Variants in ST14 observed in about 807,000 individuals in gnomAD.
ST14 encodes ST14 transmembrane serine protease matriptase.
ST14 carries 40 observed loss-of-function variants against 96.5 expected under a neutral mutation model. The ratio of observed to expected loss-of-function variants is 0.41; its 90% CI spans 0.32 to 0.54. The LOEUF (loss-of-function observed/expected upper bound fraction) is 0.54, where lower values mean the gene tolerates loss of function less well. Ranked by LOEUF, ST14 falls within the 20% of genes least tolerant of loss-of-function variation. The pLI is 0.17. For missense variants in ST14, 1,066 were observed against 1,188.9 expected, an observed-to-expected ratio of 0.90 and a Z score of 1.52; for synonymous variants, 506 against 492.1, an observed-to-expected ratio of 1.03 and a Z score of -0.37.
At chr11:130,189,082 C>A in intron 4 of ST14, 143 bp downstream of exon 4, 1 of 883,258 alleles carries the variant, frequency 1.1e-6, no homozygotes, top group Non-Finnish European at 1.8e-6. Context: ...CTGTGTCCTC[C>A]TGTGCGTTAC....
chr11:130,189,696 A>T (rs1565623673), intron 4 of ST14, 43 bp from the exon 5 acceptor site: 1 of 1,602,732 alleles, frequency 6.2e-7, no homozygotes, highest in African/African-American at 1.3e-5. Context: ...CGTGGGGGAA[A>T]TGGGGCCCAG....
chr11:130,161,142 C>T (rs1952995831), intron 1 of ST14, among the ~76,000 whole-genome samples: 1 of 152,160 alleles, frequency 6.6e-6, no homozygotes, highest in Non-Finnish European at 1.5e-5. Context: ...GAAAATCAGA[C>T]GCTGGGGCTT....
At chr11:130,179,714 A>T (rs1286789926) in intron 1 of ST14, among the ~76,000 whole-genome samples, 1 of 152,154 alleles carries the variant, frequency 6.6e-6, no homozygotes, top group Non-Finnish European at 1.5e-5. Flanking sequence ...TTCCTGCAAC[A>T]TGCCTCTGGT....
chr11:130,205,995 C>G (rs1953482875), intron 16 of ST14, among the ~76,000 whole-genome samples: 1 of 152,152 alleles, frequency 6.6e-6, no homozygotes. Context: ...CCATGCCCAG[C>G]CTTCTTCGGA....
Position 130,188,074 on chromosome 11 carries a change from G to C in ST14, c.82-40G>C. ...CCCCAGCGGGGTGCAGGGGAAGAGC[G>C]GGTGAGAGGGTCTGAGTGGTGGCGC... On this transcript the variant is annotated intron_variant, in intron 1 of 18. Coordinates refer to ENST00000278742, the MANE Select transcript of ST14 (RefSeq NM_021978.4). This position sits in a 1 kb window ranked among gnomAD's most constrained non-coding sequence, Gnocchi z 5.4. The C allele has an allele frequency of 6.2e-7, 1 of 1,612,148 alleles. No individual in the cohort carries two copies.
intron 1 of ST14, among the ~76,000 whole-genome samples, chr11:130,174,203 G>A (rs1953116872): frequency 6.6e-6 from 1 of 152,134 alleles, no homozygotes; most frequent in South Asian, 2.1e-4. Flanking sequence ...TCTCCCAAGG[G>A]ATTGTCCCAT....
intron 1 of ST14, among the ~76,000 whole-genome samples, chr11:130,182,376 C>A (rs1226821872): frequency 6.6e-6 from 1 of 151,430 alleles, no homozygotes; most frequent in Admixed American, 6.6e-5. Flanking sequence ...GGCAGGAGGG[C>A]AGTGGCATGA....
In ST14 at chr11:130,210,136, CT is replaced by C; in HGVS notation, c.*314del. 2.9e-6 allele frequency: 1 copy of C among 344,254 alleles called. No individual in the cohort carries two copies. The highest frequency in any genetic ancestry group is 4.3e-5 in the Admixed American group (1 of 23,130). 21.3% of individuals were successfully genotyped at this position (344,254 alleles called of 1,614,324 possible). A position where few individuals can be genotyped will look rare whatever the true frequency, so the allele number is the denominator to read the frequency against. On this transcript the variant is annotated 3_prime_UTR_variant, in exon 19 of 19. Coordinates refer to ENST00000278742, the MANE Select transcript of ST14 (RefSeq NM_021978.4). ...GCGCGTTTGTGCATATCTGCCTCCC[CT>C]GTCTCTAAGGAGCAGCGGGAACGGA...
chr11:130,197,675 C>A lies in ST14; in HGVS notation c.1355-166C>A, dbSNP rs542410013. Reference sequence around the variant, plus strand: ...CCACACTAGCTGCGGGTGCAGGAACCCCTTTGTCACAGCTTGGTGGGCCTG... The same window carrying A: ...CCACACTAGCTGCGGGTGCAGGAACACCTTTGTCACAGCTTGGTGGGCCTG... On this transcript the variant is annotated intron_variant, in intron 11 of 18. Coordinates refer to ENST00000278742, the MANE Select transcript of ST14 (RefSeq NM_021978.4). Among the ~76,000 whole-genome samples, 310 of 152,346 alleles carry A rather than the reference C, an allele frequency of 2.0e-3. 1 individual carries two copies. Among genetic ancestry groups the A allele is most frequent in the Middle Eastern group, 3.4e-3 (1 of 294 alleles).
At position 130,188,645 on chromosome 11, in the gene ST14, G is replaced by C. The variant is rs778783010; in HGVS notation, c.357G>C (p.Lys119Asn). The stretch of plus-strand genomic sequence containing the variant: ...CTGAGTTTGTAAGCCTGGCCAGCAA[G>C]GTGAAGGACGCGGTGAGTGCAGCCT... ...NSTEFVSLAS[K>N]VKDALKLLYS... The change falls in exon 3 of 19, where the codon AAG (lysine) becomes AAC (asparagine). Residue 119 changes from lysine (K) to asparagine (N), a missense_variant. Physicochemically the swap from Lys to Asn is moderately conservative, Grantham distance 94. Coordinates refer to ENST00000278742, the MANE Select transcript of ST14 (RefSeq NM_021978.4). The surrounding 1 kb of genome is among the most constrained non-coding windows in gnomAD (Gnocchi z 5.4). 19 of 1,614,098 alleles carry C rather than the reference G, an allele frequency of 1.2e-5. 1 individual carries two copies. Among genetic ancestry groups the C allele is most frequent in the Middle Eastern group, 1.6e-4 (1 of 6,084 alleles).
At chr11:130,200,348 G>T (rs1953415154) in intron 16 of ST14, among the ~76,000 whole-genome samples, 1 of 152,180 alleles carries the variant, frequency 6.6e-6, no homozygotes, top group Non-Finnish European at 1.5e-5. Flanking sequence ...TGTATAGGAA[G>T]CGTGGTGCCA....
chr11:130,206,261 G>A (rs772040492), intron 16 of ST14, among the ~76,000 whole-genome samples: 3 of 152,206 alleles, frequency 2.0e-5, no homozygotes, highest in Non-Finnish European at 4.4e-5. Flanking sequence ...CTCGGGGAGA[G>A]CAGGATCCCC....
intron 1 of ST14, among the ~76,000 whole-genome samples, chr11:130,180,381 C>A (rs554212536): frequency 1.3e-5 from 2 of 152,206 alleles, no homozygotes; most frequent in Admixed American, 6.5e-5. Context: ...ACATGAGGAA[C>A]GATCTTTAGA....
intron 1 of ST14, among the ~76,000 whole-genome samples, chr11:130,161,373 C>T (rs1243756884): frequency 6.6e-6 from 1 of 152,048 alleles, no homozygotes; most frequent in African/African-American, 2.4e-5. Context: ...TCTAGACTCC[C>T]TGCCTCTTCA....
chr11:130,209,644 GGGCTTGTCTCCGCCCA>G lies in ST14; in HGVS notation c.2407-15_2407del. On this transcript the variant is annotated splice_acceptor_variant and splice_polypyrimidine_tract_variant and intron_variant, in intron 18 of 18. Transcript: ENST00000278742. LOFTEE classifies it high-confidence loss of function. ...GAGGCGGGACTGGGGACTCACGGCA[GGGCTTGTCTCCGCCCA>G]GGGTGATTCCGGGGGACCCCTGTCC... 6.3e-7 allele frequency: 1 copy of G among 1,596,522 alleles called. No individual in the cohort carries two copies. The highest frequency in any genetic ancestry group is 8.5e-7 in the Non-Finnish European group (1 of 1,172,100).
In ST14 at chr11:130,199,003, A is replaced by T. The variant is rs1953400372; in HGVS notation, c.1741A>T (p.Ser581Cys). The T allele has an allele frequency of 1.2e-6, 2 of 1,613,996 alleles. No homozygotes were observed. Among genetic ancestry groups the T allele is most frequent in the Admixed American group, 1.7e-5 (1 of 60,004 alleles). The change falls in exon 15 of 19, where the codon AGC (serine) becomes TGC (cysteine). Residue 581 changes from serine to cysteine, a missense_variant. Transcript: ENST00000278742. ...TYRCLNGLCL[S>C]KGNPECDGKE... is the part of the protein sequence containing the mutation. Reference sequence around the variant, plus strand: ...CCGCTGCCTCAATGGGCTCTGCTTGAGCAAGGGCAACCCTGAGTGTGACGG... The same window carrying T: ...CCGCTGCCTCAATGGGCTCTGCTTGTGCAAGGGCAACCCTGAGTGTGACGG...
chr11:130,190,705 C>T lies in ST14; in HGVS notation c.875+11C>T, dbSNP rs572634298. On this transcript the variant is annotated intron_variant, in intron 7 of 18. Coordinates refer to ENST00000278742, the MANE Select transcript of ST14 (RefSeq NM_021978.4). ...CCACGCCCTGGTGCAGTGAGTACCC[C>T]GGGGGGCGGGTAGGGCTGTGGGAGC... The T allele has an allele frequency of 1.0e-4, 162 of 1,563,106 alleles. No homozygotes were observed. Among genetic ancestry groups the T allele is most frequent in the Non-Finnish European group, 1.3e-4 (152 of 1,154,366 alleles).
intron 16 of ST14, among the ~76,000 whole-genome samples, chr11:130,207,374 A>G (rs1022872958): frequency 1.2e-4 from 18 of 152,110 alleles, no homozygotes; most frequent in African/African-American, 4.3e-4. Flanking sequence ...AACATGGCGA[A>G]ACCCCGTTTC....
chr11:130,201,727 A>T (rs1953430635), intron 16 of ST14, among the ~76,000 whole-genome samples: 1 of 152,212 alleles, frequency 6.6e-6, no homozygotes, highest in South Asian at 2.1e-4. Flanking sequence ...CTACAGGCAC[A>T]TGCCACCATG....
Sources: allele counts gnomAD v4.1 joint callset (sites outside exome capture counted in the v4.1 genomes callset), GRCh38; gene constraint gnomAD v4.1.1; non-coding constraint Gnocchi (gnomAD v3.1); transcripts MANE v1.5; gene names NCBI Gene and HGNC (gene_info 2026-07-23, HGNC 2026-07-21).